Variants in HDAC4 observed in about 807,000 individuals in gnomAD.
HDAC4 encodes histone deacetylase A.
HDAC4 carries 16 observed loss-of-function variants against 135.1 expected under a neutral mutation model. The observed-to-expected ratio is 0.12, with a 90% confidence interval of 0.08 to 0.18. HDAC4 has a LOEUF of 0.18. HDAC4 is among the 10% of genes least tolerant of loss of function. The pLI is 1.00. For missense variants in HDAC4, 1,143 were observed against 1,511.8 expected (o/e 0.76, Z 4.05); for synonymous variants, 685 against 653.4 (o/e 1.05, Z -0.74).
At chr2:239,279,179 A>G (rs949445103) in intron 2 of HDAC4, among the ~76,000 whole-genome samples, 9 of 152,164 alleles carry the variant, frequency 5.9e-5, no homozygotes, top group African/African-American at 2.2e-4. Context: ...TTGCTTGCAA[A>G]AGCAAAGTGC....
rs563629020 is a variant in HDAC4 at position 239,068,049 on chromosome 2, G to C, written c.2869+440C>G. On this transcript the variant is annotated intron_variant, in intron 23 of 26. Coordinates refer to ENST00000543185, the MANE Select transcript of HDAC4 (RefSeq NM_001378414.1). This position sits in a 1 kb window ranked among gnomAD's most constrained non-coding sequence, Gnocchi z 4.4. ...ATGGCCCCTAACGCTGATCCTGAGA[G>C]GACACACACATCCTGGGCTCCCTCA... 9.8e-5 allele frequency among the ~76,000 whole-genome samples: 15 copies of C among 152,340 alleles called. No individual in the cohort carries two copies. Among genetic ancestry groups the C allele is most frequent in the African/African-American group, 3.6e-4 (15 of 41,586 alleles).
rs143571554 is a variant in HDAC4 at position 239,307,698 on chromosome 2, G to A, written c.22+44980C>T. 1.4e-3 allele frequency among the ~76,000 whole-genome samples: 211 copies of A among 152,214 alleles called. No homozygotes were observed. The highest frequency in any genetic ancestry group is 4.8e-3 in the African/African-American group (199 of 41,518). Reference sequence around the variant, plus strand: ...TCACTCAGATGACGTTCTCATGACCGCACTTGGTCTAAGCAAATGCTGCTG... The same window carrying A: ...TCACTCAGATGACGTTCTCATGACCACACTTGGTCTAAGCAAATGCTGCTG... On this transcript the variant is annotated intron_variant, in intron 2 of 26. Coordinates refer to ENST00000543185, the MANE Select transcript of HDAC4 (RefSeq NM_001378414.1). This position sits in a 1 kb window ranked among gnomAD's most constrained non-coding sequence, Gnocchi z 4.8.
chr2:239,082,037 G>A (rs1025732973), intron 21 of HDAC4, 65 bp downstream of exon 21: 11 of 1,382,066 alleles, frequency 8.0e-6, no homozygotes, highest in African/African-American at 5.7e-5. Context: ...CGTCTGCCCC[G>A]TGCCCCCACA....
intron 11 of HDAC4, among the ~76,000 whole-genome samples, chr2:239,129,615 C>G (rs1365896501): frequency 6.6e-6 from 1 of 152,188 alleles, no homozygotes; most frequent in Admixed American, 6.5e-5. Context: ...ACCCTGGCTC[C>G]TGAGCTGACC....
At chr2:239,355,002 C>A (rs535084843) in intron 1 of HDAC4, among the ~76,000 whole-genome samples, 53 of 152,234 alleles carry the variant, frequency 3.5e-4, no homozygotes, top group African/African-American at 1.3e-3. Flanking sequence ...TTAAGTCCAG[C>A]TCAATTACAG....
intron 16 of HDAC4, among the ~76,000 whole-genome samples, chr2:239,098,629 G>T (rs2037334242): frequency 6.6e-6 from 1 of 152,220 alleles, no homozygotes; most frequent in African/African-American, 2.4e-5. Context: ...CTTATGTGTG[G>T]CATCTCACCA....
At chr2:239,074,700 A>G (rs2034556208) in intron 22 of HDAC4, among the ~76,000 whole-genome samples, 1 of 152,224 alleles carries the variant, frequency 6.6e-6, no homozygotes, top group Non-Finnish European at 1.5e-5. Context: ...GTGCACCTTC[A>G]GCACCCGTTT....
chr2:239,330,038 C>T (rs1575702992), intron 2 of HDAC4, among the ~76,000 whole-genome samples: 1 of 152,358 alleles, frequency 6.6e-6, no homozygotes, highest in Non-Finnish European at 1.5e-5. Flanking sequence ...GGCCCCTGCC[C>T]TCCAAGCCCA....
intron 15 of HDAC4, among the ~76,000 whole-genome samples, chr2:239,105,960 C>T (rs985060955): frequency 3.3e-5 from 5 of 152,214 alleles, no homozygotes; most frequent in African/African-American, 9.6e-5. Context: ...AGCTGCCCCA[C>T]GTGTGGGAGC....
chr2:239,142,665 T>C (rs975488318), intron 8 of HDAC4, among the ~76,000 whole-genome samples: 6 of 151,852 alleles, frequency 4.0e-5, no homozygotes, highest in African/African-American at 1.5e-4. Context: ...CTGCCACGCA[T>C]GGCTCCTGGG....
Position 239,120,400 on chromosome 2 carries a change from CAG to C in HDAC4, c.1534-5092_1534-5091del, listed in dbSNP as rs1491406422. Among the ~76,000 whole-genome samples the C allele has an allele frequency of 4.7e-3, 606 of 129,586 alleles. 3 individuals are homozygous for C. The highest frequency in any genetic ancestry group is 0.026 in the East Asian group (112 of 4,380). The allele number at this position is 129,586 out of a possible 152,430, so 85.0% of individuals were successfully genotyped here. The stretch of plus-strand genomic sequence containing the variant: ...CCGCAGAGGCACACACAGACGCACA[CAG>C]ACACACACACACAGACACAGACAGA... On this transcript the variant is annotated intron_variant, in intron 12 of 26. Transcript: ENST00000543185.
At chr2:239,231,535 A>G (rs965415719) in intron 3 of HDAC4, among the ~76,000 whole-genome samples, 2 of 152,250 alleles carry the variant, frequency 1.3e-5, no homozygotes, top group African/African-American at 2.4e-5. Context: ...AGCCCTCAGC[A>G]TGCCGTCTGT....
intron 1 of HDAC4, among the ~76,000 whole-genome samples, chr2:239,385,487 G>A (rs1430654716): frequency 6.6e-6 from 1 of 151,520 alleles, no homozygotes; most frequent in African/African-American, 2.5e-5. Context: ...GGAAGGCAGA[G>A]CTAGAGCATG....
At chr2:239,054,685 G>A in intron 25 of HDAC4, 64 bp downstream of exon 25, 3 of 997,786 alleles carry the variant, frequency 3.0e-6, no homozygotes, top group Non-Finnish European at 4.9e-6. Context: ...GGACAGGGAT[G>A]GGGTGTGGTG....
At chr2:239,196,570 C>A (rs1226361536) in intron 3 of HDAC4, among the ~76,000 whole-genome samples, 1 of 152,190 alleles carries the variant, frequency 6.6e-6, no homozygotes, top group Non-Finnish European at 1.5e-5. Flanking sequence ...TCCGAGTCTG[C>A]CGTCAGCTTC....
rs1439381607 is a variant in HDAC4 at position 239,349,995 on chromosome 2, G to C, written c.22+2683C>G. On this transcript the variant is annotated intron_variant, in intron 2 of 26. Transcript: ENST00000543185. This position sits in a 1 kb window ranked among gnomAD's most constrained non-coding sequence, Gnocchi z 5.7. ...TGGGCAGGACAGGCCCGGGCAGGCC[G>C]GTGATCAAACTGAACCGCAGCGGCT... Among the ~76,000 whole-genome samples, 1 of 152,178 alleles carries C rather than the reference G, an allele frequency of 6.6e-6. No individual in the cohort carries two copies. Among genetic ancestry groups the C allele is most frequent in the Non-Finnish European group, 1.5e-5 (1 of 68,032 alleles).
At chr2:239,164,134 T>C (rs1177658597) in intron 5 of HDAC4, among the ~76,000 whole-genome samples, 1 of 152,180 alleles carries the variant, frequency 6.6e-6, no homozygotes, top group Non-Finnish European at 1.5e-5. Context: ...CATCATTGCA[T>C]TCTATTTAAA....
intron 2 of HDAC4, among the ~76,000 whole-genome samples, chr2:239,281,633 TACAATGTACACACCACTCTGCAA>T (rs1347244943): frequency 1.4e-5 from 2 of 146,714 alleles, no homozygotes; most frequent in Non-Finnish European, 3.0e-5. Context: ...CACACCACTC[TACAATGTACACACCACTCTGCAA>T]ACAATGTACA....
At chr2:239,134,188 C>T (rs371559451) in intron 11 of HDAC4, 57 bp downstream of exon 11, 2 of 1,432,546 alleles carry the variant, frequency 1.4e-6, no homozygotes, top group Non-Finnish European at 1.9e-6. Context: ...GGCGGGGCAC[C>T]ATCCAGAGCG....
Sources: allele counts gnomAD v4.1 joint callset (sites outside exome capture counted in the v4.1 genomes callset), GRCh38; gene constraint gnomAD v4.1.1; non-coding constraint Gnocchi (gnomAD v3.1); transcripts MANE v1.5; gene names NCBI Gene and HGNC (gene_info 2026-07-23, HGNC 2026-07-21).